Variants in OSBP2 observed in about 807,000 individuals in gnomAD.
The protein encoded by OSBP2 is oxysterol binding protein 2, also known as oxysterol-binding protein 2.
A neutral mutation model predicts 96.0 loss-of-function variants in OSBP2; 66 were observed. That is an observed-to-expected ratio of 0.69 (90% CI 0.56 to 0.84). The LOEUF (loss-of-function observed/expected upper bound fraction) is 0.84. Among genes scored for constraint, OSBP2 ranks in the 40% least tolerant of loss-of-function variants. The pLI, the probability that OSBP2 is intolerant of heterozygous loss-of-function variation, is 0.00. For synonymous variants in OSBP2, 525 were observed against 520.9 expected, an observed-to-expected ratio of 1.01 and a Z score of -0.11; for missense variants, 1,038 against 1,222.7, an observed-to-expected ratio of 0.85 and a Z score of 2.25.
intron 3 of OSBP2, among the ~76,000 whole-genome samples, chr22:30,873,183 A>G (rs545404915): frequency 3.3e-4 from 50 of 152,320 alleles, no homozygotes; most frequent in Non-Finnish European, 6.2e-4. Context: ...GGCCATGCCA[A>G]GATACATGCA....
chr22:30,768,726 G>A (rs2090309987), intron 2 of OSBP2, among the ~76,000 whole-genome samples: 1 of 152,046 alleles, frequency 6.6e-6, no homozygotes, highest in South Asian at 2.1e-4. Flanking sequence ...TGCCATTAAG[G>A]TAGTTTAAGC....
intron 2 of OSBP2, among the ~76,000 whole-genome samples, chr22:30,841,675 TA>T (rs2038756106): frequency 6.6e-6 from 1 of 152,174 alleles, no homozygotes; most frequent in Non-Finnish European, 1.5e-5. Flanking sequence ...GCATTATGTC[TA>T]AAAAACAATG....
intron 2 of OSBP2, among the ~76,000 whole-genome samples, chr22:30,838,409 A>G (rs536453349): frequency 3.5e-4 from 54 of 152,362 alleles, no homozygotes; most frequent in Admixed American, 9.8e-4. Context: ...ATGAGGAAAT[A>G]AAAGTATATA....
chr22:30,728,781 G>C (rs2089696215), intron 1 of OSBP2, among the ~76,000 whole-genome samples: 2 of 152,190 alleles, frequency 1.3e-5, no homozygotes, highest in Non-Finnish European at 2.9e-5. Context: ...ATAGGTGTGA[G>C]CCACTGCCTC....
At chr22:30,797,775 A>G (rs1324343247) in intron 2 of OSBP2, among the ~76,000 whole-genome samples, 1 of 151,770 alleles carries the variant, frequency 6.6e-6, no homozygotes, top group Non-Finnish European at 1.5e-5. Context: ...TACTTTTCGT[A>G]GAGAGATGGG....
chr22:30,754,230 C>T (rs543614448), intron 2 of OSBP2, among the ~76,000 whole-genome samples: 1 of 152,310 alleles, frequency 6.6e-6, no homozygotes, highest in African/African-American at 2.4e-5. Context: ...TCCCTGCACA[C>T]TCCCTCTGTT....
rs973061777 is a variant in OSBP2, at chr22:30,881,557, C to T, written c.1108-5869C>T. 2.0e-5 allele frequency: 15 copies of T among 767,458 alleles called. No homozygotes were observed. The highest frequency in any genetic ancestry group is 1.1e-4 in the African/African-American group (6 of 54,458). The allele number at this position is 767,458 out of a possible 1,614,324, so 47.5% of individuals were successfully genotyped here. A position where few individuals can be genotyped will look rare whatever the true frequency, so the allele number is the denominator to read the frequency against. ...ACACAGCCTCAGAGAAATGAGACCA[C>T]GTTCAGGCCTGGGCTGGGTCAGCCA... On this transcript the variant is annotated intron_variant, in intron 3 of 13. Coordinates refer to ENST00000332585, the MANE Select transcript of OSBP2 (RefSeq NM_030758.4). This position sits in a 1 kb window ranked among gnomAD's most constrained non-coding sequence, Gnocchi z 4.5.
chr22:30,860,830 G>A (rs2039195748), intron 2 of OSBP2, among the ~76,000 whole-genome samples: 1 of 152,206 alleles, frequency 6.6e-6, no homozygotes, highest in Non-Finnish European at 1.5e-5. Context: ...TAGCATCATG[G>A]CGGTTGCCAG....
intron 1 of OSBP2, among the ~76,000 whole-genome samples, chr22:30,712,158 T>C (rs537283854): frequency 5.8e-4 from 88 of 152,284 alleles, no homozygotes; most frequent in African/African-American, 1.9e-3. Flanking sequence ...CAGATCTCCT[T>C]TACCATTGGT....
chr22:30,833,655 C>A (rs1447785985), intron 2 of OSBP2, among the ~76,000 whole-genome samples: 1 of 152,174 alleles, frequency 6.6e-6, no homozygotes, highest in Non-Finnish European at 1.5e-5. Flanking sequence ...GATTTAATAG[C>A]ATTTTAAATT....
intron 1 of OSBP2, among the ~76,000 whole-genome samples, chr22:30,711,103 T>G (rs912337675): frequency 2.5e-4 from 38 of 152,082 alleles, no homozygotes; most frequent in Non-Finnish European, 4.9e-4. Flanking sequence ...CCACATTTCT[T>G]TTTGGTGGGA....
At chr22:30,820,513 G>A (rs533045070) in intron 2 of OSBP2, among the ~76,000 whole-genome samples, 114 of 152,260 alleles carry the variant, frequency 7.5e-4, no homozygotes, top group African/African-American at 2.7e-3. Flanking sequence ...ATCTCTTTAA[G>A]GGACCTTGCA....
intron 2 of OSBP2, among the ~76,000 whole-genome samples, chr22:30,866,396 C>T (rs940796518): frequency 6.6e-6 from 1 of 152,224 alleles, no homozygotes; most frequent in Non-Finnish European, 1.5e-5. Flanking sequence ...CGCAGCCCTG[C>T]TAACACCTGG....
chr22:30,734,716 G>A (rs1490798660), intron 1 of OSBP2, among the ~76,000 whole-genome samples: 3 of 152,146 alleles, frequency 2.0e-5, no homozygotes, highest in African/African-American at 7.2e-5. Flanking sequence ...TAATACCTTG[G>A]CTACAGGTTA....
intron 2 of OSBP2, among the ~76,000 whole-genome samples, chr22:30,754,216 G>C (rs934286429): frequency 1.3e-5 from 2 of 152,122 alleles, no homozygotes; most frequent in Non-Finnish European, 2.9e-5. Context: ...CCCTGGATGT[G>C]TTTTCCCTGC....
chr22:30,858,292 GCC>G (rs763887933), intron 2 of OSBP2, among the ~76,000 whole-genome samples: 1 of 150,910 alleles, frequency 6.6e-6, no homozygotes, highest in Admixed American at 6.6e-5. Flanking sequence ...GACTACAGGC[GCC>G]CGCCACCGCG....
chr22:30,904,644 C>G (rs1480882144), intron 12 of OSBP2, among the ~76,000 whole-genome samples: 1 of 151,238 alleles, frequency 6.6e-6, no homozygotes, highest in East Asian at 1.9e-4. Flanking sequence ...TAACTACAAC[C>G]CAAGTAGAGA....
At chr22:30,869,842 G>T (rs1206259705) in intron 2 of OSBP2, among the ~76,000 whole-genome samples, 2 of 152,226 alleles carry the variant, frequency 1.3e-5, no homozygotes, top group African/African-American at 2.4e-5. Context: ...ATATGAGAAG[G>T]TTCCATGCAG....
chr22:30,883,692 C>G (rs896955156), intron 3 of OSBP2, among the ~76,000 whole-genome samples: 2 of 152,176 alleles, frequency 1.3e-5, no homozygotes, highest in Non-Finnish European at 2.9e-5. Flanking sequence ...GCTTTGCTGT[C>G]TTGGGATGGG....
Sources: allele counts gnomAD v4.1 joint callset (sites outside exome capture counted in the v4.1 genomes callset), GRCh38; gene constraint gnomAD v4.1.1; non-coding constraint Gnocchi (gnomAD v3.1); transcripts MANE v1.5; gene names NCBI Gene and HGNC (gene_info 2026-07-23, HGNC 2026-07-21).